Variants in TRPA1 observed in about 807,000 individuals in gnomAD.
The protein encoded by TRPA1 is ankyrin-like with transmembrane domains 1.
Under a neutral mutation model 131.3 loss-of-function variants are expected in TRPA1, and 129 were observed. The observed-to-expected ratio is 0.98, with a 90% CI of 0.85 to 1.14. The LOEUF is 1.14. Ranked by LOEUF, TRPA1 falls within the 50% of genes most tolerant of loss-of-function variation. TRPA1 has a pLI of 0.00. For missense variants in TRPA1, 1,304 were observed against 1,354.2 expected (o/e 0.96, Z 0.58); for synonymous variants, 441 against 451.7 (o/e 0.98, Z 0.30).
Position 72,022,968 on chromosome 8 carries a change from T to A in TRPA1, c.3298A>T (p.Asn1100Tyr). ...CTCAACACAGTATTCCATCTGCTAT[T>A]CCTTTGTTCCATCTGCTCTTTCTTA... Reference protein sequence around the residue: ...RFKKEQMEQRNSRWNTVLRAV... With the variant: ...RFKKEQMEQRYSRWNTVLRAV... Residue 1100 changes from asparagine to tyrosine, a missense_variant, in exon 27 of 27, where the codon AAT becomes TAT. Coordinates refer to ENST00000262209, the MANE Select transcript of TRPA1 (RefSeq NM_007332.3). 6.2e-7 allele frequency: 1 copy of A among 1,613,912 alleles called. No homozygotes were observed. Among genetic ancestry groups the A allele is most frequent in the Non-Finnish European group, 8.5e-7 (1 of 1,179,870 alleles).
chr8:72,084,796 T>C, the TRPA1 span, among the ~76,000 whole-genome samples: 5,800 of 151,642 alleles, frequency 0.038, 372 homozygotes, highest in African/African-American at 0.13. Flanking sequence ...GGATTACAGG[T>C]GCCTGCCACC....
At chr8:72,066,479 A>G (rs1805934597) in intron 3 of TRPA1, among the ~76,000 whole-genome samples, 1 of 152,224 alleles carries the variant, frequency 6.6e-6, no homozygotes, top group Non-Finnish European at 1.5e-5. Context: ...ACTTCTTTGA[A>G]AAAAGTATGC....
chr8:72,031,053 G>A (rs1214703946), intron 23 of TRPA1, among the ~76,000 whole-genome samples: 1 of 152,142 alleles, frequency 6.6e-6, no homozygotes, highest in African/African-American at 2.4e-5. Flanking sequence ...ATCTGTCAAG[G>A]TCTCCACTGT....
chr8:72,059,752 G>T (rs1363761393), intron 7 of TRPA1, among the ~76,000 whole-genome samples: 1 of 152,144 alleles, frequency 6.6e-6, no homozygotes, highest in Admixed American at 6.5e-5. Context: ...AGATAGAAAA[G>T]ACAAGGAAAT....
chr8:72,085,122 CT>C, the TRPA1 span, among the ~76,000 whole-genome samples: 5 of 152,052 alleles, frequency 3.3e-5, no homozygotes, highest in Admixed American at 3.3e-4. Flanking sequence ...TCAAAACAAA[CT>C]TTTTCATGTT....
intron 2 of TRPA1, 110 bp downstream of exon 2, chr8:72,071,601 G>T: frequency 8.1e-7 from 1 of 1,229,354 alleles, no homozygotes; most frequent in Non-Finnish European, 1.2e-6. Flanking sequence ...AAATATATAG[G>T]CTCTTTATAA....
intron 1 of TRPA1, among the ~76,000 whole-genome samples, chr8:72,073,059 G>T (rs1806100915): frequency 6.6e-6 from 1 of 152,098 alleles, no homozygotes. Flanking sequence ...TTGTCACAGG[G>T]TCACTTCAGA....
intron 14 of TRPA1, 197 bp downstream of exon 14, chr8:72,052,402 A>T: frequency 2.0e-6 from 1 of 511,058 alleles, no homozygotes; most frequent in Non-Finnish European, 3.2e-6. Flanking sequence ...AGCCTGTGCG[A>T]CAGAGCTAGA....
intron 4 of TRPA1, among the ~76,000 whole-genome samples, chr8:72,064,272 T>C (rs1025803427): frequency 4.0e-5 from 6 of 149,702 alleles, no homozygotes; most frequent in Admixed American, 4.0e-4. Flanking sequence ...ATAATATATA[T>C]ATATATGTAG....
At chr8:72,088,607 T>C in the TRPA1 span, among the ~76,000 whole-genome samples, 4 of 152,166 alleles carry the variant, frequency 2.6e-5, no homozygotes, top group Admixed American at 1.3e-4. Context: ...CTAATGTTCA[T>C]TGAGAGTCTA....
Position 72,075,547 on chromosome 8 carries a change from G to GA in TRPA1, c.-139dup. The GA allele has an allele frequency of 1.4e-6, 1 of 727,882 alleles. No individual in the cohort carries two copies. Among genetic ancestry groups the GA allele is most frequent in the Non-Finnish European group, 2.4e-6 (1 of 418,440 alleles). 45.1% of individuals were successfully genotyped at this position (727,882 alleles called of 1,614,324 possible). The stretch of plus-strand genomic sequence containing the variant: ...TCCCGCGCTGCAGCTCACAGGCAGC[G>GA]AAAAAGTCGCTCTGCGGAAGCCCTG... On this transcript the variant is annotated 5_prime_UTR_variant, in exon 1 of 27. Transcript: ENST00000262209.
intron 17 of TRPA1, among the ~76,000 whole-genome samples, chr8:72,045,884 A>G (rs556831337): frequency 1.8e-4 from 27 of 152,156 alleles, no homozygotes; most frequent in Non-Finnish European, 3.4e-4. Context: ...ACTTTTTAAA[A>G]GGTTTCTTGG....
intron 17 of TRPA1, among the ~76,000 whole-genome samples, chr8:72,041,984 G>A (rs1222634941): frequency 6.6e-6 from 1 of 151,756 alleles, no homozygotes; most frequent in Non-Finnish European, 1.5e-5. Context: ...TAAGGAAAAA[G>A]GAGAGATGAT....
Position 72,069,135 on chromosome 8 carries a change from A to G in TRPA1, c.332T>C (p.Ile111Thr), listed in dbSNP as rs371619206. The part of the protein sequence containing the change: ...PLHCAVEKNQ[I>T]ESVKFLLSRG... ...GCTGAGAAGAAACTTAACGCTTTCA[A>G]TTTGGTTTTTTTCTACAGCACAATG... Residue 111 changes from isoleucine to threonine, a missense_variant, in exon 3 of 27, where the codon ATT (isoleucine) becomes ACT (threonine). Transcript: ENST00000262209. 20 of 1,614,228 alleles carry G rather than the reference A, an allele frequency of 1.2e-5. No homozygotes were observed. Among genetic ancestry groups the G allele is most frequent in the East Asian group, 4.5e-5 (2 of 44,890 alleles).
intron 22 of TRPA1, 68 bp from the exon 23 acceptor site, chr8:72,033,894 T>A: frequency 6.9e-7 from 1 of 1,449,266 alleles, no homozygotes; most frequent in South Asian, 1.2e-5. Context: ...TTCCTGGAGG[T>A]AGAATGATAA....
chr8:72,078,807 G>A (rs1217105369), upstream of TRPA1, among the ~76,000 whole-genome samples: 1 of 152,118 alleles, frequency 6.6e-6, no homozygotes. Flanking sequence ...TGATAAGTAT[G>A]TGTTTAGCTT....
At chr8:72,024,477 A>G (rs1378804497) in intron 25 of TRPA1, among the ~76,000 whole-genome samples, 1 of 152,200 alleles carries the variant, frequency 6.6e-6, no homozygotes, top group Admixed American at 6.5e-5. Flanking sequence ...CAGGCCATCC[A>G]GGAAGTCAAA....
At position 72,065,339 on chromosome 8, in the gene TRPA1, T is replaced by A. The variant is rs1047074193; in HGVS notation, c.552+112A>T. The A allele has an allele frequency of 5.9e-6, 6 of 1,014,568 alleles. No homozygotes were observed. In the African/African-American group the frequency reaches 9.9e-5, roughly 17 times the overall value. 62.8% of individuals were successfully genotyped at this position (1,014,568 alleles called of 1,614,324 possible). ...AACTTTTTTCCTGACCTAGTTTTTG[T>A]ATTTTATATTTTTCTAAGGAGAAAA... is the stretch of plus-strand genomic sequence containing the variant. On this transcript the variant is annotated intron_variant, in intron 4 of 26. Coordinates refer to ENST00000262209, the MANE Select transcript of TRPA1 (RefSeq NM_007332.3).
At chr8:72,055,311 T>C (rs1299153451) in intron 12 of TRPA1, 125 bp downstream of exon 12, 1 of 784,718 alleles carries the variant, frequency 1.3e-6, no homozygotes, top group East Asian at 2.7e-5. Context: ...GATGAAAAAA[T>C]AAATTGGATA....
Sources: gnomAD v4.1 joint callset for allele counts (sites outside exome capture counted in the v4.1 genomes callset) on GRCh38, gnomAD v4.1.1 for gene constraint, MANE v1.5 for transcripts, NCBI Gene and HGNC (gene_info 2026-07-23, HGNC 2026-07-21) for gene names.